The following DDX47 variants were observed in gnomAD, a reference collection of about 807,000 sequenced individuals.
DDX47 encodes probable ATP-dependent RNA helicase DDX47.
A neutral mutation model predicts 58.8 loss-of-function variants in DDX47; 60 were observed. The observed-to-expected ratio is 1.02, with a 90% CI of 0.83 to 1.26. The LOEUF (loss-of-function observed/expected upper bound fraction) is 1.26. DDX47 is among the 50% of genes most tolerant of loss of function. The pLI is 0.00. For synonymous variants in DDX47, 197 were observed against 204.6 expected (o/e 0.96, Z 0.32); for missense variants, 530 against 573.2 (o/e 0.92, Z 0.77).
intron 6 of DDX47, 39 bp downstream of exon 6, chr12:12,822,771 A>C: frequency 6.6e-7 from 1 of 1,505,896 alleles, no homozygotes; most frequent in Non-Finnish European, 9.2e-7. Flanking sequence ...CTTTATGAGA[A>C]TTGATACATA....
chr12:12,825,949 T>C, intron 9 of DDX47, 51 bp from the exon 10 acceptor site: 1 of 1,454,756 alleles, frequency 6.9e-7, no homozygotes, highest in Admixed American at 2.2e-5. Context: ...TGTAGTTTTT[T>C]TTAAACTTAT....
At chr12:12,816,896 A>T (rs777035676) in intron 2 of DDX47, among the ~76,000 whole-genome samples, 1 of 152,336 alleles carries the variant, frequency 6.6e-6, no homozygotes, top group South Asian at 2.1e-4. Context: ...GAGTCAAAAT[A>T]GCTGGCAGTA....
chr12:12,821,578 C>A, intron 3 of DDX47, 77 bp from the exon 4 acceptor site: 1 of 1,472,336 alleles, frequency 6.8e-7, no homozygotes, highest in African/African-American at 1.4e-5. Context: ...AGAAATCTGG[C>A]ATTGGCTTTA....
At chr12:12,818,476 T>G (rs56303669) in intron 2 of DDX47, among the ~76,000 whole-genome samples, 44,100 of 151,376 alleles carry the variant, frequency 0.29, 8,272 homozygotes, top group African/African-American at 0.54. Context: ...AGCCGAGATC[T>G]CGCCACTGCA....
At chr12:12,818,997 A>G (rs957534967) in intron 2 of DDX47, among the ~76,000 whole-genome samples, 2 of 152,216 alleles carry the variant, frequency 1.3e-5, no homozygotes, top group Non-Finnish European at 2.9e-5. Flanking sequence ...CAGCCAAACC[A>G]TATCACACTG....
intron 9 of DDX47, among the ~76,000 whole-genome samples, chr12:12,825,584 A>G (rs1229189930): frequency 1.3e-5 from 2 of 152,164 alleles, no homozygotes; most frequent in Non-Finnish European, 2.9e-5. Context: ...ACTCTGTAAT[A>G]TGGGCATGTA....
chr12:12,822,461 AT>A (rs1294883440), intron 5 of DDX47, among the ~76,000 whole-genome samples, 199 bp from the exon 6 acceptor site: 1 of 151,774 alleles, frequency 6.6e-6, no homozygotes, highest in African/African-American at 2.4e-5. Context: ...TCAGAAAGGT[AT>A]TTTTTTTAAT....
rs1862842990 is a variant in DDX47, at chr12:12,813,385, A to G, written c.18A>G (p.Glu6=). Residue 6 remains glutamate (E), a synonymous_variant, in exon 1 of 12, where the codon GAA becomes GAG. Coordinates refer to ENST00000358007, the MANE Select transcript of DDX47 (RefSeq NM_016355.4). The part of the protein sequence containing the change: MAAPE[E]HDSPTEASQP... ...CACACAAGATGGCGGCACCCGAGGA[A>G]CACGATTCTCCGACCGAAGCGTCCC... 1.9e-6 allele frequency: 3 copies of G among 1,613,584 alleles called. No individual in the cohort carries two copies. The highest frequency in any genetic ancestry group is 2.5e-6 in the Non-Finnish European group (3 of 1,179,742).
intron 1 of DDX47, 50 bp downstream of exon 1, chr12:12,813,504 A>G: frequency 6.7e-7 from 1 of 1,500,394 alleles, no homozygotes; most frequent in Non-Finnish European, 9.1e-7. Flanking sequence ...TGCTAGGCTC[A>G]GGGAGACCCC....
intron 10 of DDX47, 115 bp downstream of exon 10, chr12:12,826,185 C>A: frequency 1.3e-6 from 1 of 784,354 alleles, no homozygotes; most frequent in Non-Finnish European, 2.0e-6. Context: ...ATACTGAAAA[C>A]CAGGATGAAG....
chr12:12,819,466 G>A (rs990519487), intron 2 of DDX47, among the ~76,000 whole-genome samples: 5 of 151,658 alleles, frequency 3.3e-5, no homozygotes, highest in African/African-American at 1.2e-4. Flanking sequence ...TTATTCTGAA[G>A]CATCTGCCCC....
intron 2 of DDX47, among the ~76,000 whole-genome samples, chr12:12,819,775 G>A (rs531098318): frequency 2.6e-5 from 4 of 152,216 alleles, no homozygotes; most frequent in African/African-American, 9.6e-5. Flanking sequence ...TGGCTTTTGA[G>A]TGTCCCGTAC....
chr12:12,817,363 T>C lies in DDX47; in HGVS notation c.181+3139T>C, dbSNP rs77651823. Reference sequence around the variant, plus strand: ...GCCTGAATTTGAACATAGAATCTTATAGCTCAAAAAACCTCTATTAATGGA... The same window carrying C: ...GCCTGAATTTGAACATAGAATCTTACAGCTCAAAAAACCTCTATTAATGGA... On this transcript the variant is annotated intron_variant, in intron 2 of 11. Coordinates refer to ENST00000358007, the MANE Select transcript of DDX47 (RefSeq NM_016355.4). Among the ~76,000 whole-genome samples the C allele has an allele frequency of 9.1e-3, 1,388 of 152,288 alleles. 21 individuals are homozygous for C. Among genetic ancestry groups the C allele is most frequent in the African/African-American group, 0.032 (1,309 of 41,548 alleles).
At chr12:12,825,503 A>G (rs1863039159) in intron 9 of DDX47, among the ~76,000 whole-genome samples, 1 of 152,174 alleles carries the variant, frequency 6.6e-6, no homozygotes, top group Admixed American at 6.5e-5. Context: ...CCTGGATGAG[A>G]ACTGTTGTGT....
rs1863100274 is a variant in DDX47 at position 12,829,483 on chromosome 12, G to A, written c.1297G>A (p.Asp433Asn). The change falls in exon 12 of 12, where the codon GAC (aspartate) becomes AAC (asparagine). Residue 433 changes from aspartate to asparagine, a missense_variant. Coordinates refer to ENST00000358007, the MANE Select transcript of DDX47 (RefSeq NM_016355.4). Reference protein sequence around the residue: ...RSREDAGDNDDTEGAIGVRNK... With the variant: ...RSREDAGDNDNTEGAIGVRNK... ...GCGAGAGGATGCTGGAGATAATGAT[G>A]ACACAGAGGGTGCTATTGGTGTCAG... 1 of 1,613,898 alleles carries A rather than the reference G, an allele frequency of 6.2e-7. No individual in the cohort carries two copies. The highest frequency in any genetic ancestry group is 8.5e-7 in the Non-Finnish European group (1 of 1,179,966).
intron 2 of DDX47, chr12:12,820,176 T>G (rs1862948500): frequency 6.6e-6 from 1 of 152,152 alleles, no homozygotes; most frequent in Non-Finnish European, 1.5e-5. Context: ...AGGAGTTAAT[T>G]TCCAAGTCTT....
intron 2 of DDX47, among the ~76,000 whole-genome samples, chr12:12,814,891 G>A (rs186649930): frequency 6.6e-6 from 1 of 152,254 alleles, no homozygotes; most frequent in East Asian, 1.9e-4. Context: ...TGGCCAGGCT[G>A]GTCTCGAACT....
At chr12:12,823,779 A>G (rs1262018689) in intron 7 of DDX47, 91 bp from the exon 8 acceptor site, 5 of 1,292,216 alleles carry the variant, frequency 3.9e-6, no homozygotes, top group Non-Finnish European at 5.4e-6. Flanking sequence ...AAAAGCGACT[A>G]TAGGCTTAGT....
intron 8 of DDX47, 178 bp downstream of exon 8, chr12:12,824,194 G>T (rs1038303179): frequency 6.8e-5 from 52 of 764,078 alleles, no homozygotes; most frequent in Admixed American, 3.4e-4. Context: ...AGGGTAGCGA[G>T]AGGCTCCCAT....
Sources: allele counts gnomAD v4.1 joint callset (sites outside exome capture counted in the v4.1 genomes callset), GRCh38; gene constraint gnomAD v4.1.1; transcripts MANE v1.5; gene names NCBI Gene and HGNC (gene_info 2026-07-23, HGNC 2026-07-21).